The following CTTN variants were observed in gnomAD, a reference collection of about 807,000 sequenced individuals.
The protein encoded by CTTN is src substrate cortactin.
A neutral mutation model predicts 84.0 loss-of-function variants in CTTN; 28 were observed. The ratio of observed to expected loss-of-function variants is 0.33; its 90% CI spans 0.25 to 0.46. CTTN has a LOEUF of 0.46. Ranked by LOEUF, CTTN falls within the 20% of genes least tolerant of loss-of-function variation. CTTN has a pLI of 1.00. For missense variants in CTTN, 641 were observed against 723.8 expected (o/e 0.89, Z 1.31); for synonymous variants, 301 against 288.8 (o/e 1.04, Z -0.43).
rs773345646 is a variant in CTTN, at chr11:70,433,272, C to A, written c.1438C>A (p.Pro480Thr). The A allele has an allele frequency of 3.3e-5, 53 of 1,608,306 alleles. No homozygotes were observed. In the East Asian group the frequency reaches 8.9e-4, roughly 27 times the overall value. Residue 480 changes from proline to threonine, a missense_variant, in exon 16 of 18, where the codon CCC becomes ACC. This residue lies in a region of CTTN where 289 missense variants were observed against 273.1 expected (regional missense o/e 1.06). Coordinates refer to ENST00000301843, the MANE Select transcript of CTTN (RefSeq NM_005231.4). ...AAGCGCAGAGGCCCCGGGCCACTAT[C>A]CCGCAGGTACTGGGGCCCCACGCTG... ...YESAEAPGHYPAEDSTYDEYE... is the reference protein window; with the variant it reads ...YESAEAPGHYTAEDSTYDEYE...
At position 70,414,552 on chromosome 11, in the gene CTTN, G is replaced by A; in HGVS notation, c.302G>A (p.Gly101Asp). 6.2e-6 allele frequency: 10 copies of A among 1,613,912 alleles called. No individual in the cohort carries two copies. Among genetic ancestry groups the A allele is most frequent in the Non-Finnish European group, 8.5e-6 (10 of 1,179,822 alleles). The change falls in exon 6 of 18, where the codon GGC (glycine) becomes GAC (aspartate). Residue 101 changes from glycine to aspartate, a missense_variant. Around this residue, in one of 3 missense-constraint regions of CTTN, gnomAD observed 284 missense variants for 348.4 expected, o/e 0.82. Transcript: ENST00000301843. ...EQDRMDKSAV[G>D]HEYQSKLSKH... ...TGAACCCTGTTCCAGTCAGCTGTCG[G>A]CCACGAATATCAGTCGAAACTTTCC...
chr11:70,402,834 C>T (rs2058002417), intron 1 of CTTN, among the ~76,000 whole-genome samples: 1 of 152,210 alleles, frequency 6.6e-6, no homozygotes, highest in Non-Finnish European at 1.5e-5. Context: ...TTCTCTTGGG[C>T]ATAGACCTAG....
At chr11:70,399,438 C>T (rs1338435536) in intron 1 of CTTN, among the ~76,000 whole-genome samples, 1 of 151,856 alleles carries the variant, frequency 6.6e-6, no homozygotes, top group Non-Finnish European at 1.5e-5. Flanking sequence ...TTGAGGGGCT[C>T]GCTGTGGGAC....
At chr11:70,423,835 G>T (rs1201662788) in intron 12 of CTTN, among the ~76,000 whole-genome samples, 1 of 152,238 alleles carries the variant, frequency 6.6e-6, no homozygotes, top group Non-Finnish European at 1.5e-5. Context: ...CCCCAGAAAG[G>T]TTAGCAGGCA....
chr11:70,415,574 A>T, intron 6 of CTTN, 89 bp from the exon 7 acceptor site: 1 of 1,207,274 alleles, frequency 8.3e-7, no homozygotes, highest in East Asian at 2.3e-5. Context: ...ATATTTTTTT[A>T]AATGTCATGT....
intron 12 of CTTN, among the ~76,000 whole-genome samples, chr11:70,425,083 G>T (rs1320963836): frequency 1.3e-5 from 2 of 152,178 alleles, no homozygotes; most frequent in Non-Finnish European, 2.9e-5. Flanking sequence ...ATTGGTTTGT[G>T]GTAGAGCAGA....
chr11:70,427,280 C>T (rs2058310018), intron 13 of CTTN, among the ~76,000 whole-genome samples: 1 of 152,116 alleles, frequency 6.6e-6, no homozygotes, highest in African/African-American at 2.4e-5. Flanking sequence ...AACCTGGAGG[C>T]AGAGGTCGCA....
At chr11:70,404,153 GGA>G (rs1174524646) in intron 1 of CTTN, among the ~76,000 whole-genome samples, 1 of 152,252 alleles carries the variant, frequency 6.6e-6, no homozygotes. Flanking sequence ...AGGGAACTGG[GGA>G]GAGAGATGGA....
chr11:70,413,402 T>A (rs1175981495), intron 5 of CTTN, among the ~76,000 whole-genome samples: 1 of 152,178 alleles, frequency 6.6e-6, no homozygotes, highest in African/African-American at 2.4e-5. Flanking sequence ...GGCCTCGGTG[T>A]CAGGACTGGA....
At chr11:70,431,836 C>A (rs2058357103) in intron 15 of CTTN, among the ~76,000 whole-genome samples, 2 of 152,120 alleles carry the variant, frequency 1.3e-5, no homozygotes, top group South Asian at 2.1e-4. Context: ...AGTTACGGAG[C>A]CGCCTGCCGA....
intron 1 of CTTN, among the ~76,000 whole-genome samples, chr11:70,400,030 G>A (rs1322243644): frequency 6.6e-6 from 1 of 152,228 alleles, no homozygotes; most frequent in Non-Finnish European, 1.5e-5. Context: ...TCTGGTTAGA[G>A]AAGTATTCGC....
chr11:70,422,949 A>C lies in CTTN; in HGVS notation c.911A>C (p.Lys304Thr). 1.2e-6 allele frequency: 2 copies of C among 1,614,022 alleles called. No individual in the cohort carries two copies. The highest frequency in any genetic ancestry group is 1.7e-6 in the Non-Finnish European group (2 of 1,180,024). The part of the protein sequence containing the change: ...AKHESQQDYS[K>T]GFGGKYGVQK... ...TTTTGCCACGTTTCAGACTACTCCA[A>C]AGGATTCGGCGGGAAGTATGGGGTG... is the stretch of plus-strand genomic sequence containing the variant. The change falls in exon 12 of 18, where the codon AAA becomes ACA. Residue 304 changes from lysine to threonine, a missense_variant. Transcript: ENST00000301843.
chr11:70,431,331 C>G (rs1235414888), intron 15 of CTTN, 51 bp downstream of exon 15: 1 of 1,580,688 alleles, frequency 6.3e-7, no homozygotes, highest in East Asian at 2.2e-5. Context: ...TGCCAGAGCC[C>G]AGGTCCTGTT....
Position 70,436,090 on chromosome 11 carries a change from G to T in CTTN, c.*928G>T. ...GAAGGAAGGCAGTGCCTGCTCTGCT[G>T]TGAGCCGCCAGGAACCCTCCTCCTG... On this transcript the variant is annotated 3_prime_UTR_variant, in exon 18 of 18. Transcript: ENST00000301843. 1 of 1,426,928 alleles carries T rather than the reference G, an allele frequency of 7.0e-7. No homozygotes were observed. Among genetic ancestry groups the T allele is most frequent in the Non-Finnish European group, 9.1e-7 (1 of 1,096,390 alleles). The allele number at this position is 1,426,928 out of a possible 1,614,324, so 88.4% of individuals were successfully genotyped here. A position where few individuals can be genotyped will look rare whatever the true frequency, so the allele number is the denominator to read the frequency against.
At chr11:70,408,331 T>C (rs2135555650) in intron 4 of CTTN, 1 of 152,352 alleles carries the variant, frequency 6.6e-6, no homozygotes, top group East Asian at 1.9e-4. Context: ...GATTTAGTCC[T>C]TCCTCCAGAA....
In CTTN at chr11:70,415,701, G is replaced by C; in HGVS notation, c.441G>C (p.Lys147Asn). Residue 147 changes from lysine to asparagine, a missense_variant, in exon 7 of 18, where the codon AAG (lysine) becomes AAC (asparagine). By Grantham distance (94) the Lys-to-Asn change is moderately conservative. Coordinates refer to ENST00000301843, the MANE Select transcript of CTTN (RefSeq NM_005231.4). ...TTGAATACCAGGGGAAGACTGAGAA[G>C]CATGCCTCCCAGAAAGGTAAGACGC... is the stretch of plus-strand genomic sequence containing the variant. Reference protein sequence around the residue: ...VGFEYQGKTEKHASQKDYSSG... With the variant: ...VGFEYQGKTENHASQKDYSSG... 6.2e-7 allele frequency: 1 copy of C among 1,614,188 alleles called. No individual in the cohort carries two copies. Among genetic ancestry groups the C allele is most frequent in the South Asian group, 1.1e-5 (1 of 91,086 alleles).
At chr11:70,425,628 C>A (rs1348206747) in intron 13 of CTTN, among the ~76,000 whole-genome samples, 1 of 152,176 alleles carries the variant, frequency 6.6e-6, no homozygotes, top group Non-Finnish European at 1.5e-5. Flanking sequence ...TCAGTGGGGC[C>A]CGTTTCAAGG....
At chr11:70,413,582 C>T (rs916865594) in intron 5 of CTTN, among the ~76,000 whole-genome samples, 3 of 152,104 alleles carry the variant, frequency 2.0e-5, no homozygotes, top group East Asian at 1.9e-4. Context: ...AGCTGGGTGC[C>T]GGGTCTGGAA....
At position 70,412,345 on chromosome 11, in the gene CTTN, C is replaced by T. The variant is rs190359606; in HGVS notation, c.292-2197C>T. ...GGCTAAGCTGGGAGGATCACCTGAA[C>T]CTGGGAGGTGGAGACTGCAGTGTCC... On this transcript the variant is annotated intron_variant, in intron 5 of 17. Transcript: ENST00000301843. Among the ~76,000 whole-genome samples the T allele has an allele frequency of 9.2e-5, 14 of 152,192 alleles. No individual in the cohort carries two copies. The East Asian group carries it at 2.7e-3, about 29-fold the overall frequency.
Sources: allele counts gnomAD v4.1 joint callset (sites outside exome capture counted in the v4.1 genomes callset), GRCh38; gene constraint gnomAD v4.1.1; regional missense constraint gnomAD v4.1.1; transcripts MANE v1.5; gene names NCBI Gene and HGNC (gene_info 2026-07-23, HGNC 2026-07-21).